HARS2: variants seen among roughly 807,000 people sequenced by gnomAD.
The protein encoded by HARS2 is histidyl-tRNA synthetase 2, mitochondrial.
In HARS2, 40 loss-of-function variants were observed where a neutral mutation model predicts 62.4. The ratio of observed to expected loss-of-function variants is 0.64; its 90% confidence interval spans 0.50 to 0.83. The LOEUF (loss-of-function observed/expected upper bound fraction) is 0.83, where lower values mean the gene tolerates loss of function less well. HARS2 is among the 40% of genes least tolerant of loss of function. HARS2 has a pLI of 0.00. For synonymous variants in HARS2, 228 were observed against 227.0 expected, an observed-to-expected ratio of 1.00 and a Z score of -0.04; for missense variants, 569 against 626.4, an observed-to-expected ratio of 0.91 and a Z score of 0.98.
At position 140,696,987 on chromosome 5, in the gene HARS2, T is replaced by C. The variant is rs1759769803; in HGVS notation, c.871T>C (p.Ser291Pro). 1.1e-5 allele frequency: 17 copies of C among 1,613,992 alleles called. No homozygotes were observed. The highest frequency in any genetic ancestry group is 1.4e-5 in the Non-Finnish European group (17 of 1,179,920). The change falls in exon 9 of 13, where the codon TCC (serine) becomes CCC (proline). Residue 291 changes from serine to proline, a missense_variant. Ser to Pro is a moderately conservative substitution (Grantham distance 74). Coordinates refer to ENST00000230771, the MANE Select transcript of HARS2 (RefSeq NM_012208.4). ...VEQMFQDPRL[S>P]QNKQALEGLG... Reference sequence around the variant, plus strand: ...GCAAATGTTTCAGGATCCCAGACTATCCCAGAACAAGCAGGCCCTGGAGGG... The same window carrying C: ...GCAAATGTTTCAGGATCCCAGACTACCCCAGAACAAGCAGGCCCTGGAGGG...
Position 140,696,120 on chromosome 5 carries a change from T to C in HARS2, c.651T>C (p.Ile217=). The C allele has an allele frequency of 1.2e-6, 2 of 1,613,912 alleles. No homozygotes were observed. The highest frequency in any genetic ancestry group is 1.1e-5 in the South Asian group (1 of 91,084). The change falls in exon 7 of 13, where the codon ATT becomes ATC. Residue 217 remains isoleucine, a synonymous_variant. Transcript: ENST00000230771. ...DFLIKVNDRR[I]VDGMFAVCGV... ...GTTCTCAGGTAAATGACCGGCGGAT[T>C]GTGGATGGGATGTTTGCTGTCTGTG... is the stretch of plus-strand genomic sequence containing the variant.
rs763261995 is a variant in HARS2 at position 140,694,270 on chromosome 5, A to C, written c.389A>C (p.Tyr130Ser). 6.2e-7 allele frequency: 1 copy of C among 1,606,330 alleles called. No individual in the cohort carries two copies. The highest frequency in any genetic ancestry group is 8.5e-7 in the Non-Finnish European group (1 of 1,172,830). ...GGTGGAGAGCTGTTGTCCCTCCGCT[A>C]TGACCTTACTGTATCCTTTTGAGTA... ...DQGGELLSLRYDLTVPFARYL... is the reference protein window; with the variant it reads ...DQGGELLSLRSDLTVPFARYL... Residue 130 changes from tyrosine (Y) to serine (S), a missense_variant, in exon 4 of 13, where the codon TAT becomes TCT. By Grantham distance (144) the Tyr-to-Ser change is moderately radical (BLOSUM62 -2). Coordinates refer to ENST00000230771, the MANE Select transcript of HARS2 (RefSeq NM_012208.4).
rs779579155 is a variant in HARS2, at chr5:140,698,109, G to T, written c.1461+31G>T. 4 of 1,601,770 alleles carry T rather than the reference G, an allele frequency of 2.5e-6. No homozygotes were observed. In the African/African-American group the frequency reaches 5.4e-5, roughly 21 times the overall value. On this transcript the variant is annotated intron_variant, in intron 12 of 12. Coordinates refer to ENST00000230771, the MANE Select transcript of HARS2 (RefSeq NM_012208.4). ...TGGCGGCAGCAGAAATAGAAGGGACGAAGTATTTCTGCCTTTCCCAGATTC... is the reference window on the plus strand; with the variant it reads ...TGGCGGCAGCAGAAATAGAAGGGACTAAGTATTTCTGCCTTTCCCAGATTC...
chr5:140,697,841 A>G, intron 11 of HARS2, 91 bp from the exon 12 acceptor site: 1 of 1,434,766 alleles, frequency 7.0e-7, no homozygotes, highest in Non-Finnish European at 9.8e-7. Flanking sequence ...CGGACTAGCC[A>G]CTTATCTCTG....
rs961123741 is a variant in HARS2, at chr5:140,691,490, C to T, written c.-159C>T. 2.8e-6 allele frequency: 2 copies of T among 718,384 alleles called. No individual in the cohort carries two copies. Among genetic ancestry groups the T allele is most frequent in the Non-Finnish European group, 4.8e-6 (2 of 415,940 alleles). The allele number at this position is 718,384 out of a possible 1,614,324, so 44.5% of individuals were successfully genotyped here. On this transcript the variant is annotated 5_prime_UTR_variant, in exon 1 of 13. Transcript: ENST00000230771. ...GCTACTAAGGGAACTTGGGAGGATC[C>T]CACCTCAGCCTTCGTGACTAGTGAG...
chr5:140,696,859 TGAG>T lies in HARS2; in HGVS notation c.827-81_827-79del, dbSNP rs149020746. On this transcript the variant is annotated intron_variant, in intron 8 of 12. Coordinates refer to ENST00000230771, the MANE Select transcript of HARS2 (RefSeq NM_012208.4). The stretch of plus-strand genomic sequence containing the variant: ...TTTTTTTTTTTTTTTTTAAAGAAAA[TGAG>T]GAAGACTAGCTAGAGCACATTAGGG... 3,080 of 1,037,268 alleles carry T rather than the reference TGAG, an allele frequency of 3.0e-3. 71 individuals carry two copies. In the African/African-American group the frequency reaches 0.049, roughly 17 times the overall value. 64.3% of individuals were successfully genotyped at this position (1,037,268 alleles called of 1,614,324 possible).
Position 140,697,963 on chromosome 5 carries a change from T to C in HARS2, c.1346T>C (p.Leu449Pro). Residue 449 changes from leucine (L) to proline (P), a missense_variant, in exon 12 of 13, where the codon CTA (leucine) becomes CCA (proline). Coordinates refer to ENST00000230771, the MANE Select transcript of HARS2 (RefSeq NM_012208.4). Reference protein sequence around the residue: ...AEMLYKNNPKLLTQLHYCEST... With the variant: ...AEMLYKNNPKPLTQLHYCEST... The stretch of plus-strand genomic sequence containing the variant: ...ATGCTATACAAGAACAACCCCAAAC[T>C]ATTAACCCAGCTGCACTATTGTGAG... The C allele has an allele frequency of 3.1e-6, 5 of 1,614,014 alleles. No homozygotes were observed. The highest frequency in any genetic ancestry group is 4.2e-6 in the Non-Finnish European group (5 of 1,179,870).
In HARS2 at chr5:140,697,156, C is replaced by G. The variant is rs969591670; in HGVS notation, c.955-8C>G. The G allele has an allele frequency of 1.2e-6, 2 of 1,614,072 alleles. No individual in the cohort carries two copies. The highest frequency in any genetic ancestry group is 2.7e-5 in the African/African-American group (2 of 74,924). On this transcript the variant is annotated splice_region_variant and splice_polypyrimidine_tract_variant and intron_variant, in intron 9 of 12. Coordinates refer to ENST00000230771, the MANE Select transcript of HARS2 (RefSeq NM_012208.4). ...AGTTTGGGACTGACTGTAATCTTGT[C>G]CCCACAGATCTCCTTTGACCTCAGC...
chr5:140,698,408 A>G, intron 12 of HARS2, 85 bp from the exon 13 acceptor site: 1 of 1,011,412 alleles, frequency 9.9e-7, no homozygotes, highest in Non-Finnish European at 1.6e-6. Flanking sequence ...GAGAAGATGC[A>G]GAGTAAAACA....
chr5:140,693,886 G>T (rs1170833780), intron 2 of HARS2, 49 bp from the exon 3 acceptor site: 10 of 1,609,932 alleles, frequency 6.2e-6, no homozygotes, highest in Non-Finnish European at 8.5e-6. Flanking sequence ...TGTCTGAAAT[G>T]GACTTATTTT....
chr5:140,695,289 T>G (rs1013161003), intron 4 of HARS2, among the ~76,000 whole-genome samples: 1 of 152,240 alleles, frequency 6.6e-6, no homozygotes, highest in African/African-American at 2.4e-5. Context: ...CCTTGCTTTC[T>G]GCTGAACTTT....
intron 4 of HARS2, among the ~76,000 whole-genome samples, chr5:140,694,849 G>A (rs750888472): frequency 5.3e-5 from 8 of 152,296 alleles, no homozygotes; most frequent in Non-Finnish European, 1.0e-4. Flanking sequence ...GGGAGGCTGA[G>A]GCAGGAGAAT....
At chr5:140,696,752 T>G in intron 8 of HARS2, 138 bp downstream of exon 8, 2 of 939,098 alleles carry the variant, frequency 2.1e-6, no homozygotes, top group South Asian at 2.6e-5. Context: ...CTCTTTTACT[T>G]ATTGTAACGA....
chr5:140,696,753 A>T, intron 8 of HARS2, 139 bp downstream of exon 8: 1 of 892,150 alleles, frequency 1.1e-6, no homozygotes, highest in Non-Finnish European at 1.9e-6. Context: ...TCTTTTACTT[A>T]TTGTAACGAC....
At position 140,697,405 on chromosome 5, in the gene HARS2, A is replaced by G; in HGVS notation, c.1196A>G (p.Lys399Arg). ...TTCTACATTGTGGAGCAGAGGATGAAGGTAGGTCCTAGATAGGTGTGAGGT... is the reference window on the plus strand; with the variant it reads ...TTCTACATTGTGGAGCAGAGGATGAGGGTAGGTCCTAGATAGGTGTGAGGT... ...RIFYIVEQRM[K>R]TKGEKVRTTE... The change falls in exon 10 of 13, where the codon AAG becomes AGG. Residue 399 changes from lysine (K) to arginine (R), a missense_variant and splice_region_variant. Lys to Arg is a conservative substitution (Grantham distance 26, BLOSUM62 2). Coordinates refer to ENST00000230771, the MANE Select transcript of HARS2 (RefSeq NM_012208.4). 6.2e-7 allele frequency: 1 copy of G among 1,613,802 alleles called. No homozygotes were observed. Among genetic ancestry groups the G allele is most frequent in the African/African-American group, 1.3e-5 (1 of 75,038 alleles).
At position 140,694,270 on chromosome 5, in the gene HARS2, A is replaced by G. The variant is rs763261995; in HGVS notation, c.389A>G (p.Tyr130Cys). The change falls in exon 4 of 13, where the codon TAT (tyrosine) becomes TGT (cysteine). Residue 130 changes from tyrosine to cysteine, a missense_variant. Coordinates refer to ENST00000230771, the MANE Select transcript of HARS2 (RefSeq NM_012208.4). Reference protein sequence around the residue: ...DQGGELLSLRYDLTVPFARYL... With the variant: ...DQGGELLSLRCDLTVPFARYL... Reference sequence around the variant, plus strand: ...GGTGGAGAGCTGTTGTCCCTCCGCTATGACCTTACTGTATCCTTTTGAGTA... The same window carrying G: ...GGTGGAGAGCTGTTGTCCCTCCGCTGTGACCTTACTGTATCCTTTTGAGTA... 3.1e-6 allele frequency: 5 copies of G among 1,606,330 alleles called. No individual in the cohort carries two copies. Among genetic ancestry groups the G allele is most frequent in the African/African-American group, 1.3e-5 (1 of 74,874 alleles).
chr5:140,697,267 T>C lies in HARS2; in HGVS notation c.1058T>C (p.Leu353Pro). ...QTPTQAGEEP[L>P]NVGSVAAGGR... ...CCAACTCAGGCTGGGGAGGAGCCCCTGAATGTGGGCAGTGTGGCTGCTGGT... is the reference window on the plus strand; with the variant it reads ...CCAACTCAGGCTGGGGAGGAGCCCCCGAATGTGGGCAGTGTGGCTGCTGGT... Residue 353 changes from leucine to proline, a missense_variant, in exon 10 of 13, where the codon CTG becomes CCG. By Grantham distance (98) the Leu-to-Pro change is moderately conservative (BLOSUM62 -3). Transcript: ENST00000230771. 6 of 1,614,174 alleles carry C rather than the reference T, an allele frequency of 3.7e-6. No homozygotes were observed. Among genetic ancestry groups the C allele is most frequent in the Non-Finnish European group, 5.1e-6 (6 of 1,180,038 alleles).
Position 140,691,520 on chromosome 5 carries a change from G to A in HARS2, c.-129G>A, listed in dbSNP as rs1759458733. ...TCAGCCTTCGTGACTAGTGAGGTGC[G>A]CAAACGCCCGAGTTTTCCCTGGTGC... On this transcript the variant is annotated 5_prime_UTR_variant, in exon 1 of 13. Transcript: ENST00000230771. The A allele has an allele frequency of 2.6e-6, 2 of 768,400 alleles. No homozygotes were observed. Among genetic ancestry groups the A allele is most frequent in the Non-Finnish European group, 4.5e-6 (2 of 449,120 alleles). 47.6% of individuals were successfully genotyped at this position (768,400 alleles called of 1,614,324 possible). A position where few individuals can be genotyped will look rare whatever the true frequency, so the allele number is the denominator to read the frequency against.
At chr5:140,693,491 G>T in intron 1 of HARS2, 100 bp from the exon 2 acceptor site, 1 of 1,603,868 alleles carries the variant, frequency 6.2e-7, no homozygotes. Context: ...TGTTGCTCAG[G>T]GTGAAGAGTC....
Sources: gnomAD v4.1 joint callset for allele counts (sites outside exome capture counted in the v4.1 genomes callset) on GRCh38, gnomAD v4.1.1 for gene constraint, MANE v1.5 for transcripts, NCBI Gene and HGNC (gene_info 2026-07-23, HGNC 2026-07-21) for gene names.